The following DNAJB14 variants were observed in gnomAD, a reference collection of about 807,000 sequenced individuals.
The protein encoded by DNAJB14 is dnaJ homolog subfamily B member 14.
Under a neutral mutation model 48.4 loss-of-function variants are expected in DNAJB14, and 22 were observed. That is an observed-to-expected ratio of 0.45 (90% CI 0.32 to 0.65). The LOEUF (loss-of-function observed/expected upper bound fraction) is 0.65. DNAJB14 is among the 30% of genes least tolerant of loss of function. The pLI is 0.03. For missense variants in DNAJB14, 319 were observed against 458.8 expected, an observed-to-expected ratio of 0.70 and a Z score of 2.78; for synonymous variants, 142 against 158.7, an observed-to-expected ratio of 0.89 and a Z score of 0.79.
Position 99,905,621 on chromosome 4 carries a change from G to T in DNAJB14, c.818C>A (p.Pro273His). 1 of 1,611,240 alleles carries T rather than the reference G, an allele frequency of 6.2e-7. No individual in the cohort carries two copies. Among genetic ancestry groups the T allele is most frequent in the East Asian group, 2.2e-5 (1 of 44,798 alleles). ...SLLSQLMVSN[P>H]PYSLYPRSGT... ...CGATCTGGGATATAAGGAATAAGGAGGATTAGAGACCATCAACTGGCTTAA... is the reference window on the plus strand; with the variant it reads ...CGATCTGGGATATAAGGAATAAGGATGATTAGAGACCATCAACTGGCTTAA... Residue 273 changes from proline (P) to histidine (H), a missense_variant, in exon 6 of 8, where the codon CCT becomes CAT. Physicochemically the swap from Pro to His is moderately conservative, Grantham distance 77. Around this residue, in one of 3 missense-constraint regions of DNAJB14, gnomAD observed 166 missense variants for 236.3 expected, o/e 0.70. Transcript: ENST00000442697.
intron 2 of DNAJB14, 23 bp downstream of exon 2, chr4:99,930,427 A>T (rs753621032): frequency 1.1e-5 from 17 of 1,566,324 alleles, no homozygotes; most frequent in Non-Finnish European, 1.5e-5. Flanking sequence ...TATGATTGAG[A>T]TGTAAACCAT....
At chr4:99,913,533 G>A (rs1033412778) in intron 3 of DNAJB14, among the ~76,000 whole-genome samples, 12 of 151,502 alleles carry the variant, frequency 7.9e-5, no homozygotes, top group Middle Eastern at 3.4e-3. Context: ...TCTATTGTTT[G>A]GGGTATATAA....
Position 99,897,682 on chromosome 4 carries a change from T to C in DNAJB14, c.*3346A>G, listed in dbSNP as rs1465557304. On this transcript the variant is annotated 3_prime_UTR_variant, in exon 8 of 8. Coordinates refer to ENST00000442697, the MANE Select transcript of DNAJB14 (RefSeq NM_001031723.4). ...GTCAACAGACATGGTTTTTCAGCTG[T>C]TGAATGAAAATTAAAATAAAGATTT... is the stretch of plus-strand genomic sequence containing the variant. 2 of 152,082 alleles carry C rather than the reference T, an allele frequency of 1.3e-5. No homozygotes were observed. Among genetic ancestry groups the C allele is most frequent in the Non-Finnish European group, 2.9e-5 (2 of 67,904 alleles). The allele number at this position is 152,082 out of a possible 1,614,324, so 9.4% of individuals were successfully genotyped here. A position where few individuals can be genotyped will look rare whatever the true frequency, so the allele number is the denominator to read the frequency against.
intron 1 of DNAJB14, among the ~76,000 whole-genome samples, chr4:99,943,806 C>A (rs1726966814): frequency 6.6e-6 from 1 of 151,884 alleles, no homozygotes; most frequent in African/African-American, 2.4e-5. Context: ...GGGGAGGATT[C>A]AAAAATAATT....
At chr4:99,925,306 T>C (rs910915247) in intron 2 of DNAJB14, 8 of 151,802 alleles carry the variant, frequency 5.3e-5, no homozygotes, top group African/African-American at 2.0e-4. Flanking sequence ...CCAAATACTT[T>C]CAATTCAAAG....
At chr4:99,942,987 T>C (rs1726935953) in intron 1 of DNAJB14, among the ~76,000 whole-genome samples, 1 of 152,166 alleles carries the variant, frequency 6.6e-6, no homozygotes, top group Non-Finnish European at 1.5e-5. Context: ...CTTCCTTCTA[T>C]ATGAAATATT....
chr4:99,929,616 A>G (rs1169527796), intron 2 of DNAJB14: 1 of 152,234 alleles, frequency 6.6e-6, no homozygotes, highest in Non-Finnish European at 1.5e-5. Context: ...TGGGGTAAAA[A>G]GGTGAAAAAA....
At chr4:99,924,074 T>C (rs965829541) in intron 2 of DNAJB14, among the ~76,000 whole-genome samples, 1 of 152,136 alleles carries the variant, frequency 6.6e-6, no homozygotes, top group Non-Finnish European at 1.5e-5. Context: ...ACAGAGAACA[T>C]TACGTACATG....
chr4:99,941,538 G>A (rs1726891179), intron 1 of DNAJB14, among the ~76,000 whole-genome samples: 1 of 152,110 alleles, frequency 6.6e-6, no homozygotes, highest in African/African-American at 2.4e-5. Context: ...GCTCAGGAAA[G>A]GAAGAGGTAA....
chr4:99,905,656 G>A lies in DNAJB14; in HGVS notation c.783C>T (p.Leu261=), dbSNP rs150281141. 2.7e-5 allele frequency: 44 copies of A among 1,612,320 alleles called. No homozygotes were observed. The highest frequency in any genetic ancestry group is 8.8e-5 in the South Asian group (8 of 91,012). The change falls in exon 6 of 8, where the codon CTC becomes CTT. Residue 261 remains leucine (L), a synonymous_variant. Coordinates refer to ENST00000442697, the MANE Select transcript of DNAJB14 (RefSeq NM_001031723.4). The part of the protein sequence containing the change: ...IQLMPIIVLI[L]VSLLSQLMVS... Reference sequence around the variant, plus strand: ...CCATCAACTGGCTTAATAATGACACGAGGATCAATACAATTATGGGCATCA... The same window carrying A: ...CCATCAACTGGCTTAATAATGACACAAGGATCAATACAATTATGGGCATCA...
rs958216909 is a variant in DNAJB14 at position 99,901,237 on chromosome 4, C to A, written c.1016-85G>T. On this transcript the variant is annotated intron_variant, in intron 7 of 7. Transcript: ENST00000442697. ...AGCTCAAGTGATGCTTTACAGGAGCCCTTTGATATATTTTGATTAACTGAC... is the reference window on the plus strand; with the variant it reads ...AGCTCAAGTGATGCTTTACAGGAGCACTTTGATATATTTTGATTAACTGAC... The A allele has an allele frequency of 5.0e-6, 6 of 1,190,474 alleles. No homozygotes were observed. In the East Asian group the frequency reaches 1.4e-4, roughly 28 times the overall value. 73.7% of individuals were successfully genotyped at this position (1,190,474 alleles called of 1,614,324 possible). A position where few individuals can be genotyped will look rare whatever the true frequency, so the allele number is the denominator to read the frequency against.
At chr4:99,911,543 G>A (rs1036323103) in intron 3 of DNAJB14, among the ~76,000 whole-genome samples, 2 of 137,286 alleles carry the variant, frequency 1.5e-5, no homozygotes, top group African/African-American at 6.1e-5. Flanking sequence ...ATCCATACCA[G>A]CATTTGGTAT....
At position 99,914,983 on chromosome 4, in the gene DNAJB14, T is replaced by C. The variant is rs573551535; in HGVS notation, c.452-6087A>G. On this transcript the variant is annotated intron_variant, in intron 3 of 7. Transcript: ENST00000442697. Reference sequence around the variant, plus strand: ...AGCTCTGTTTCATTGATATTCACTATTGTTACTCTTTTCAATTGTACTGAT... The same window carrying C: ...AGCTCTGTTTCATTGATATTCACTACTGTTACTCTTTTCAATTGTACTGAT... 2.6e-5 allele frequency among the ~76,000 whole-genome samples: 4 copies of C among 152,348 alleles called. No individual in the cohort carries two copies. The South Asian group carries it at 6.2e-4, about 24-fold the overall frequency.
At chr4:99,940,487 A>T (rs923020470) in intron 1 of DNAJB14, among the ~76,000 whole-genome samples, 3 of 152,196 alleles carry the variant, frequency 2.0e-5, no homozygotes, top group Admixed American at 6.5e-5. Flanking sequence ...AGCTACTCGG[A>T]GGCTGAGGCA....
chr4:99,898,257 G>C lies in DNAJB14; in HGVS notation c.*2771C>G, dbSNP rs1725189603. The C allele has an allele frequency of 6.6e-6, 1 of 151,898 alleles. No homozygotes were observed. The highest frequency in any genetic ancestry group is 1.5e-5 in the Non-Finnish European group (1 of 67,838). 9.4% of individuals were successfully genotyped at this position (151,898 alleles called of 1,614,324 possible). ...ATGCATTGGCATATATATGCCTTAA[G>C]GACTGTACTTTTCTCTACCAAATCT... On this transcript the variant is annotated 3_prime_UTR_variant, in exon 8 of 8. Transcript: ENST00000442697.
chr4:99,944,769 G>T (rs6813690), intron 1 of DNAJB14, among the ~76,000 whole-genome samples: 1,569 of 152,026 alleles, frequency 0.01, 29 homozygotes, highest in African/African-American at 0.035. Flanking sequence ...TAGAGATGGC[G>T]TTTCATCATG....
Position 99,900,178 on chromosome 4 carries a change from AT to A in DNAJB14, c.*849del, listed in dbSNP as rs1246323310. ...GGGAAAATGTGAGTCCTCTTCATAA[AT>A]TTTAGCAGCCCTTCAAGGACATATA... On this transcript the variant is annotated 3_prime_UTR_variant, in exon 8 of 8. Transcript: ENST00000442697. The A allele has an allele frequency of 6.6e-6, 1 of 152,412 alleles. No individual in the cohort carries two copies. Among genetic ancestry groups the A allele is most frequent in the East Asian group, 1.9e-4 (1 of 5,200 alleles). 9.4% of individuals were successfully genotyped at this position (152,412 alleles called of 1,614,324 possible). A position where few individuals can be genotyped will look rare whatever the true frequency, so the allele number is the denominator to read the frequency against.
chr4:99,917,534 A>C (rs1007675929), intron 3 of DNAJB14, among the ~76,000 whole-genome samples: 1 of 152,186 alleles, frequency 6.6e-6, no homozygotes, highest in Non-Finnish European at 1.5e-5. Flanking sequence ...GTTTCAACAT[A>C]TGAACTTTGG....
At chr4:99,918,813 T>A (rs979338695) in intron 3 of DNAJB14, among the ~76,000 whole-genome samples, 1 of 152,222 alleles carries the variant, frequency 6.6e-6, no homozygotes, top group Non-Finnish European at 1.5e-5. Context: ...AAGTCCTGAC[T>A]GTGCATTAGG....
Sources: gnomAD v4.1 joint callset for allele counts (sites outside exome capture counted in the v4.1 genomes callset) on GRCh38, gnomAD v4.1.1 for gene constraint, gnomAD v4.1.1 regional missense constraint, MANE v1.5 for transcripts, NCBI Gene and HGNC (gene_info 2026-07-23, HGNC 2026-07-21) for gene names.